Variants in GRM8 observed in about 807,000 individuals in gnomAD.
The protein encoded by GRM8 is metabotropic glutamate receptor 8.
In GRM8, 47 loss-of-function variants were observed where a neutral mutation model predicts 87.2. That is an observed-to-expected ratio of 0.54 (90% CI 0.43 to 0.69). The LOEUF (loss-of-function observed/expected upper bound fraction) is 0.69. Ranked by LOEUF, GRM8 falls within the 30% of genes least tolerant of loss-of-function variation. The pLI is 0.00. For missense variants in GRM8, 1,019 were observed against 1,139.2 expected (o/e 0.89, Z 1.52); for synonymous variants, 396 against 404.5 (o/e 0.98, Z 0.25).
At chr7:126,881,115 C>A (rs568372674) in intron 6 of GRM8, among the ~76,000 whole-genome samples, 3 of 152,100 alleles carry the variant, frequency 2.0e-5, no homozygotes, top group Middle Eastern at 6.8e-3. Flanking sequence ...CTGTATTAGT[C>A]AGGGTCCCAG....
intron 9 of GRM8, chr7:126,465,117 A>C (rs1761465789): frequency 6.6e-6 from 1 of 151,806 alleles, no homozygotes; most frequent in South Asian, 2.1e-4. Flanking sequence ...ATCATGAATC[A>C]GATGAACATA....
intron 9 of GRM8, among the ~76,000 whole-genome samples, chr7:126,450,916 T>C (rs992862389): frequency 6.6e-6 from 1 of 151,882 alleles, no homozygotes; most frequent in Non-Finnish European, 1.5e-5. Flanking sequence ...GCTGATCATA[T>C]TAGAATTACA....
At chr7:126,768,613 C>G (rs1818467066) in intron 7 of GRM8, among the ~76,000 whole-genome samples, 1 of 151,662 alleles carries the variant, frequency 6.6e-6, no homozygotes. Flanking sequence ...AAAAGACTTC[C>G]CTGTCTTCTG....
chr7:126,980,094 T>C (rs917152103), intron 3 of GRM8, among the ~76,000 whole-genome samples: 1 of 152,228 alleles, frequency 6.6e-6, no homozygotes, highest in Non-Finnish European at 1.5e-5. Flanking sequence ...CATTTTGTTC[T>C]CAATTTGGGC....
intron 2 of GRM8, among the ~76,000 whole-genome samples, chr7:127,188,702 T>A (rs947864741): frequency 6.6e-6 from 1 of 152,234 alleles, no homozygotes; most frequent in Non-Finnish European, 1.5e-5. Context: ...CCTGGTATAG[T>A]GCTTATCAAA....
chr7:127,053,053 C>T (rs568043137), intron 3 of GRM8, among the ~76,000 whole-genome samples: 34 of 152,136 alleles, frequency 2.2e-4, no homozygotes, highest in Non-Finnish European at 4.1e-4. Flanking sequence ...AATCAGCAGA[C>T]CAAGTTAAAA....
intron 9 of GRM8, among the ~76,000 whole-genome samples, chr7:126,449,732 A>T (rs987951715): frequency 6.6e-6 from 1 of 151,892 alleles, no homozygotes. Context: ...GCTCATCAGA[A>T]TGCAGGAGGG....
intron 2 of GRM8, among the ~76,000 whole-genome samples, chr7:127,200,547 T>A (rs565856240): frequency 6.6e-6 from 1 of 152,306 alleles, no homozygotes; most frequent in South Asian, 2.1e-4. Context: ...ATTTGTTATC[T>A]CACAGTCCTG....
intron 7 of GRM8, among the ~76,000 whole-genome samples, chr7:126,699,476 G>A (rs967448499): frequency 6.6e-6 from 1 of 152,044 alleles, no homozygotes; most frequent in Non-Finnish European, 1.5e-5. Context: ...AGATGCCTAA[G>A]GATTTGAGAC....
chr7:127,232,172 C>G (rs1334423251), intron 2 of GRM8, among the ~76,000 whole-genome samples: 2 of 138,610 alleles, frequency 1.4e-5, no homozygotes, highest in Admixed American at 7.5e-5. Context: ...GCCATCAGTT[C>G]TGTTTCTTCT....
At chr7:127,114,526 C>T (rs1295492864) in intron 2 of GRM8, among the ~76,000 whole-genome samples, 10 of 152,160 alleles carry the variant, frequency 6.6e-5, no homozygotes, top group Admixed American at 2.6e-4. Context: ...ATGAAGACCA[C>T]ACCCCTCACC....
intron 7 of GRM8, among the ~76,000 whole-genome samples, chr7:126,629,565 A>G (rs767889589): frequency 2.0e-5 from 3 of 152,196 alleles, no homozygotes; most frequent in Non-Finnish European, 4.4e-5. Flanking sequence ...TCAAATACAC[A>G]GGACTTTATA....
At chr7:127,220,369 C>A (rs187123355) in intron 2 of GRM8, among the ~76,000 whole-genome samples, 23 of 151,790 alleles carry the variant, frequency 1.5e-4, no homozygotes, top group African/African-American at 4.3e-4. Flanking sequence ...TACCAAATTA[C>A]AAAAAAAGGA....
chr7:126,782,091 C>G (rs2151641920), intron 6 of GRM8, among the ~76,000 whole-genome samples: 1 of 152,174 alleles, frequency 6.6e-6, no homozygotes, highest in Non-Finnish European at 1.5e-5. Flanking sequence ...CAGCGTATTT[C>G]CAAAATAAAG....
intron 2 of GRM8, among the ~76,000 whole-genome samples, chr7:127,201,418 T>A (rs1433429850): frequency 6.6e-6 from 1 of 152,220 alleles, no homozygotes; most frequent in Non-Finnish European, 1.5e-5. Context: ...AAGTCCATCA[T>A]GTTTCCATTC....
In GRM8 at chr7:126,649,598, T is replaced by C. The variant is rs141158774; in HGVS notation, c.1358-40100A>G. Among the ~76,000 whole-genome samples the C allele has an allele frequency of 3.6e-4, 55 of 152,292 alleles. 1 individual carries two copies. In the East Asian group the frequency reaches 0.01, roughly 28 times the overall value. On this transcript the variant is annotated intron_variant, in intron 7 of 10. Transcript: ENST00000339582. ...CAGAGAACCTTGACTAATACAGATT[T>C]TGGTACCTGGAGTGGAGTCAGTAGA...
intron 3 of GRM8, among the ~76,000 whole-genome samples, chr7:127,060,126 A>G (rs1820462033): frequency 1.3e-5 from 2 of 152,232 alleles, no homozygotes. Flanking sequence ...GTCCTAAAAG[A>G]CTTCATCTTT....
intron 2 of GRM8, among the ~76,000 whole-genome samples, chr7:127,111,917 A>G (rs1294154244): frequency 6.6e-6 from 1 of 151,846 alleles, no homozygotes; most frequent in Admixed American, 6.6e-5. Context: ...AATCCCAGCT[A>G]CTCAGGAGGC....
chr7:126,492,143 T>G (rs1190458173), intron 9 of GRM8, among the ~76,000 whole-genome samples: 1 of 152,012 alleles, frequency 6.6e-6, no homozygotes, highest in Non-Finnish European at 1.5e-5. Flanking sequence ...TGCAACCTCC[T>G]GGGCTCAAAT....
Sources: gnomAD v4.1 joint callset for allele counts (sites outside exome capture counted in the v4.1 genomes callset) on GRCh38, gnomAD v4.1.1 for gene constraint, MANE v1.5 for transcripts, NCBI Gene and HGNC (gene_info 2026-07-23, HGNC 2026-07-21) for gene names.